Variants in BCAS1 observed in about 807,000 individuals in gnomAD.
The protein encoded by BCAS1 is brain enriched myelin associated protein 1, also known as breast carcinoma-amplified sequence 1.
A neutral mutation model predicts 65.4 loss-of-function variants in BCAS1; 46 were observed. The observed-to-expected ratio is 0.70, with a 90% CI of 0.55 to 0.90. BCAS1 has a LOEUF of 0.90. Ranked by LOEUF, BCAS1 falls within the 40% of genes least tolerant of loss-of-function variation. The probability of loss-of-function intolerance (pLI) is 0.00; values close to 1 mark genes in which losing one functional copy is unlikely to be tolerated. For synonymous variants in BCAS1, 298 were observed against 293.5 expected, an observed-to-expected ratio of 1.02 and a Z score of -0.16; for missense variants, 793 against 771.2, an observed-to-expected ratio of 1.03 and a Z score of -0.33.
chr20:53,946,277 C>T (rs116922236), intron 12 of BCAS1, among the ~76,000 whole-genome samples: 5,602 of 151,934 alleles, frequency 0.037, 148 homozygotes, highest in Middle Eastern at 0.088. Context: ...CGCTCCCCAC[C>T]GCAGACCCTG....
At chr20:53,953,398 GC>G in intron 12 of BCAS1, 33 bp downstream of exon 12, 1 of 1,610,244 alleles carries the variant, frequency 6.2e-7, no homozygotes, top group East Asian at 2.2e-5. Context: ...GAAGGAGAGA[GC>G]CCAGAAAGAA....
At chr20:54,015,219 A>G (rs1027451674) in intron 4 of BCAS1, among the ~76,000 whole-genome samples, 2 of 151,722 alleles carry the variant, frequency 1.3e-5, no homozygotes, top group Admixed American at 1.3e-4. Flanking sequence ...TTCAGTAGAG[A>G]TGGGGTTTCA....
At chr20:54,037,121 T>C (rs1475545178) in intron 3 of BCAS1, among the ~76,000 whole-genome samples, 5 of 151,310 alleles carry the variant, frequency 3.3e-5, no homozygotes, top group African/African-American at 1.2e-4. Flanking sequence ...ATTTCCATAC[T>C]GCTATAAAGA....
chr20:53,981,287 C>T (rs1166540120), intron 8 of BCAS1, among the ~76,000 whole-genome samples: 1 of 152,128 alleles, frequency 6.6e-6, no homozygotes, highest in African/African-American at 2.4e-5. Flanking sequence ...CCATAATTGC[C>T]CAGACATATG....
At chr20:53,989,016 A>C (rs1172460183) in intron 7 of BCAS1, among the ~76,000 whole-genome samples, 1 of 152,246 alleles carries the variant, frequency 6.6e-6, no homozygotes, top group Non-Finnish European at 1.5e-5. Context: ...AACAAAAAAT[A>C]ATATTGCATT....
At chr20:54,004,318 A>T (rs1600842299) in intron 4 of BCAS1, among the ~76,000 whole-genome samples, 2 of 152,292 alleles carry the variant, frequency 1.3e-5, no homozygotes, top group South Asian at 4.1e-4. Flanking sequence ...TTGATTTCAG[A>T]CTTATAGCCT....
At chr20:53,977,316 T>G (rs923096769) in intron 8 of BCAS1, among the ~76,000 whole-genome samples, 4 of 152,136 alleles carry the variant, frequency 2.6e-5, no homozygotes, top group Non-Finnish European at 2.9e-5. Flanking sequence ...ACTGCACCCC[T>G]TTTTCTCTGA....
chr20:54,021,184 T>C (rs2091549010), intron 4 of BCAS1, among the ~76,000 whole-genome samples: 1 of 152,108 alleles, frequency 6.6e-6, no homozygotes, highest in Admixed American at 6.6e-5. Flanking sequence ...GTGACTCAAT[T>C]TCACCAAAGG....
rs145040755 is a variant in BCAS1 at position 53,979,198 on chromosome 20, A to G, written c.1276-3768T>C. ...GGTACAGTGGTCTATAGGCTTTTCT[A>G]CAAGCCAGAATGTATTGAAGTAGAG... On this transcript the variant is annotated intron_variant, in intron 8 of 12. Coordinates refer to ENST00000688948, the MANE Select transcript of BCAS1 (RefSeq NM_001366298.2). 2.6e-3 allele frequency among the ~76,000 whole-genome samples: 391 copies of G among 152,316 alleles called. 2 individuals carry two copies. Among genetic ancestry groups the G allele is most frequent in the African/African-American group, 9.2e-3 (384 of 41,562 alleles).
chr20:54,005,897 T>A (rs2091175528), intron 4 of BCAS1, among the ~76,000 whole-genome samples: 1 of 151,856 alleles, frequency 6.6e-6, no homozygotes, highest in Non-Finnish European at 1.5e-5. Flanking sequence ...TGGGGAGGGT[T>A]TAGGGGGCAG....
intron 3 of BCAS1, among the ~76,000 whole-genome samples, chr20:54,046,546 A>ATT (rs2092110687): frequency 6.7e-6 from 1 of 148,770 alleles, no homozygotes; most frequent in African/African-American, 2.5e-5. Flanking sequence ...AAAAAAAAAA[A>ATT]AAGAATTCAG....
chr20:54,038,373 C>T (rs569029157), intron 3 of BCAS1, among the ~76,000 whole-genome samples: 2 of 151,400 alleles, frequency 1.3e-5, no homozygotes, highest in South Asian at 2.1e-4. Context: ...TTCCTCTCCA[C>T]GACCTGTAAG....
intron 3 of BCAS1, among the ~76,000 whole-genome samples, chr20:54,036,819 C>T (rs1394090214): frequency 6.6e-6 from 1 of 151,362 alleles, no homozygotes; most frequent in African/African-American, 2.4e-5. Flanking sequence ...GTTTAATTTA[C>T]AAACTTGAGT....
intron 10 of BCAS1, among the ~76,000 whole-genome samples, chr20:53,963,829 G>C (rs1568817792): frequency 1.3e-5 from 2 of 152,328 alleles, no homozygotes; most frequent in East Asian, 1.9e-4. Flanking sequence ...ATGATTGCTA[G>C]AGCCAACTTC....
chr20:54,058,593 CTTTT>C (rs3043223), intron 2 of BCAS1, 50 bp downstream of exon 2: 1,150 of 1,219,508 alleles, frequency 9.4e-4, no homozygotes, highest in East Asian at 1.9e-3. Context: ...ACAGGAAGTT[CTTTT>C]TTTTTTTTTT....
At chr20:53,945,376 T>G (rs1230938489) in intron 12 of BCAS1, among the ~76,000 whole-genome samples, 1 of 151,338 alleles carries the variant, frequency 6.6e-6, no homozygotes, top group Admixed American at 6.6e-5. Flanking sequence ...AGTTACCATC[T>G]AGGTTCACCA....
chr20:54,044,334 C>A (rs1049267274), intron 3 of BCAS1, among the ~76,000 whole-genome samples: 86 of 152,140 alleles, frequency 5.7e-4, no homozygotes, highest in African/African-American at 2.0e-3. Flanking sequence ...ATCTTTGGAG[C>A]CCAACTGTGC....
At chr20:53,966,393 T>C (rs6097697) in intron 10 of BCAS1, among the ~76,000 whole-genome samples, 3,288 of 152,264 alleles carry the variant, frequency 0.022, 84 homozygotes, top group East Asian at 0.098. Flanking sequence ...AACCAAATAC[T>C]GTATGTTCTC....
chr20:53,951,343 T>C (rs562719624), intron 12 of BCAS1, among the ~76,000 whole-genome samples: 20 of 152,236 alleles, frequency 1.3e-4, no homozygotes, highest in African/African-American at 4.8e-4. Flanking sequence ...TGGTGGCGCA[T>C]GCCTGTAATC....
Sources: allele counts gnomAD v4.1 joint callset (sites outside exome capture counted in the v4.1 genomes callset), GRCh38; gene constraint gnomAD v4.1.1; transcripts MANE v1.5; gene names NCBI Gene and HGNC (gene_info 2026-07-23, HGNC 2026-07-21).